Variants in AGPS observed in about 807,000 individuals in gnomAD.
The protein encoded by AGPS is alkyldihydroxyacetonephosphate synthase, peroxisomal.
AGPS carries 26 observed loss-of-function variants against 90.7 expected under a neutral mutation model. The observed-to-expected ratio is 0.29, with a 90% confidence interval of 0.21 to 0.40. The LOEUF (loss-of-function observed/expected upper bound fraction) is 0.40. Ranked by LOEUF, AGPS falls within the 10% of genes least tolerant of loss-of-function variation. The pLI is 1.00. For synonymous variants in AGPS, 294 were observed against 285.3 expected (o/e 1.03, Z -0.31); for missense variants, 540 against 816.1 (o/e 0.66, Z 4.12).
chr2:177,483,545 A>G (rs1396267044), intron 11 of AGPS, among the ~76,000 whole-genome samples: 1 of 152,228 alleles, frequency 6.6e-6, no homozygotes, highest in Non-Finnish European at 1.5e-5. Flanking sequence ...AAAAGGAAGT[A>G]GGGTCCTGGA....
intron 8 of AGPS, among the ~76,000 whole-genome samples, chr2:177,451,036 A>G (rs1453053077): frequency 1.1e-5 from 1 of 90,590 alleles, no homozygotes; most frequent in Admixed American, 1.3e-4. Context: ...ATCATAGCTC[A>G]CTGTAACCTT....
At chr2:177,470,252 A>G (rs1471736380) in intron 10 of AGPS, among the ~76,000 whole-genome samples, 1 of 152,190 alleles carries the variant, frequency 6.6e-6, no homozygotes, top group Non-Finnish European at 1.5e-5. Context: ...GCAGAATGGT[A>G]AGGGCTACAG....
At chr2:177,507,242 T>G (rs1259539466) in intron 15 of AGPS, among the ~76,000 whole-genome samples, 1 of 152,114 alleles carries the variant, frequency 6.6e-6, no homozygotes, top group Non-Finnish European at 1.5e-5. Context: ...AAGTGAAAAC[T>G]TAACATATGT....
rs1324665159 is a variant in AGPS at position 177,468,431 on chromosome 2, A to C, written c.1012A>C (p.Met338Leu). 2 of 1,609,156 alleles carry C rather than the reference A, an allele frequency of 1.2e-6. No individual in the cohort carries two copies. ...NIEDLVVHIK[M>L]VTPRGIIEKS... ...TATTAAACAGGTGGTTCATATAAAA[A>C]TGGTAACACCTAGAGGTATAATAGA... The change falls in exon 10 of 20, where the codon ATG (methionine) becomes CTG (leucine). Residue 338 changes from methionine (M) to leucine (L), a missense_variant. Physicochemically the swap from Met to Leu is conservative, Grantham distance 15 (BLOSUM62 2). Around this residue, in one of 2 missense-constraint regions of AGPS, gnomAD observed 405 missense variants for 692.1 expected, o/e 0.59. Transcript: ENST00000264167.
chr2:177,510,893 A>G (rs900396359), intron 16 of AGPS, among the ~76,000 whole-genome samples: 1 of 152,138 alleles, frequency 6.6e-6, no homozygotes, highest in Non-Finnish European at 1.5e-5. Context: ...TATATAAGCC[A>G]CTTAAGGGAT....
intron 11 of AGPS, among the ~76,000 whole-genome samples, chr2:177,492,054 A>G (rs143488396): frequency 9.9e-5 from 15 of 152,174 alleles, no homozygotes; most frequent in African/African-American, 3.6e-4. Context: ...ACAAAGTGCT[A>G]GGATTGCAAG....
intron 3 of AGPS, among the ~76,000 whole-genome samples, chr2:177,435,027 A>G (rs1686361748): frequency 6.8e-6 from 1 of 146,718 alleles, no homozygotes; most frequent in African/African-American, 2.5e-5. Context: ...ATATATATGT[A>G]TGAAACTAAT....
chr2:177,488,204 G>A (rs1688151721), intron 11 of AGPS, among the ~76,000 whole-genome samples: 1 of 151,204 alleles, frequency 6.6e-6, no homozygotes, highest in Non-Finnish European at 1.5e-5. Flanking sequence ...TTTTTACATA[G>A]CCTTTTTTGA....
At chr2:177,498,155 C>T (rs994537003) in intron 13 of AGPS, among the ~76,000 whole-genome samples, 1 of 151,720 alleles carries the variant, frequency 6.6e-6, no homozygotes, top group African/African-American at 2.4e-5. Context: ...CTTTTCCTTG[C>T]ATCCTTGTTA....
rs575346426 is a variant in AGPS at position 177,448,872 on chromosome 2, T to G, written c.870+3246T>G. Among the ~76,000 whole-genome samples the G allele has an allele frequency of 2.0e-5, 3 of 152,316 alleles. No homozygotes were observed. In the South Asian group the frequency reaches 6.2e-4, roughly 32 times the overall value. On this transcript the variant is annotated intron_variant, in intron 8 of 19. Transcript: ENST00000264167. ...CCTTAAGCAACCCCCCAGGAATCACTGATTTGCTTTCTGTCACATAGATTT... is the reference window on the plus strand; with the variant it reads ...CCTTAAGCAACCCCCCAGGAATCACGGATTTGCTTTCTGTCACATAGATTT...
At chr2:177,502,396 G>C (rs1390851482) in intron 14 of AGPS, among the ~76,000 whole-genome samples, 1 of 140,434 alleles carries the variant, frequency 7.1e-6, no homozygotes, top group Non-Finnish European at 1.5e-5. Flanking sequence ...AGATTACTTA[G>C]AGCCATTTCG....
At chr2:177,491,161 C>T (rs1688244893) in intron 11 of AGPS, among the ~76,000 whole-genome samples, 1 of 151,794 alleles carries the variant, frequency 6.6e-6, no homozygotes, top group South Asian at 2.1e-4. Context: ...GCCTAGGTTG[C>T]AGACTTTACA....
At chr2:177,481,965 C>T in intron 10 of AGPS, 94 bp from the exon 11 acceptor site, 1 of 1,188,054 alleles carries the variant, frequency 8.4e-7, no homozygotes, top group South Asian at 1.4e-5. Flanking sequence ...TTTAAATGTG[C>T]ATAATAAATT....
chr2:177,524,361 A>G (rs1298736375), intron 19 of AGPS, among the ~76,000 whole-genome samples: 2 of 152,216 alleles, frequency 1.3e-5, no homozygotes, highest in Non-Finnish European at 2.9e-5. Flanking sequence ...AATAAAAATT[A>G]TTACAATATG....
chr2:177,393,578 G>C lies in AGPS; in HGVS notation c.260+529G>C, dbSNP rs2105577235. 3 of 985,298 alleles carry C rather than the reference G, an allele frequency of 3.0e-6. No individual in the cohort carries two copies. The African/African-American group carries it at 5.2e-5, about 17-fold the overall frequency. 61.0% of individuals were successfully genotyped at this position (985,298 alleles called of 1,614,324 possible). Reference sequence around the variant, plus strand: ...TAGGATCAAGATGTATTGACTTTGAGGGAGGAAACCGATGAATGGTAAGAA... The same window carrying C: ...TAGGATCAAGATGTATTGACTTTGACGGAGGAAACCGATGAATGGTAAGAA... On this transcript the variant is annotated intron_variant, in intron 1 of 19. Coordinates refer to ENST00000264167, the MANE Select transcript of AGPS (RefSeq NM_003659.4).
chr2:177,491,279 T>G (rs1688251325), intron 11 of AGPS, among the ~76,000 whole-genome samples: 1 of 151,926 alleles, frequency 6.6e-6, no homozygotes, highest in Non-Finnish European at 1.5e-5. Context: ...GAATTTTTTT[T>G]TTTTTGAGAC....
intron 16 of AGPS, among the ~76,000 whole-genome samples, chr2:177,509,538 C>CAG (rs1688808661): frequency 6.6e-6 from 1 of 151,656 alleles, no homozygotes; most frequent in Non-Finnish European, 1.5e-5. Flanking sequence ...TGGTGGCGGG[C>CAG]GTCTGTAGTC....
intron 11 of AGPS, among the ~76,000 whole-genome samples, chr2:177,491,192 A>G (rs534424437): frequency 6.6e-6 from 1 of 151,994 alleles, no homozygotes; most frequent in African/African-American, 2.4e-5. Flanking sequence ...TAAATACATC[A>G]GCACCGTCTC....
intron 1 of AGPS, chr2:177,393,343 G>T (rs535661460): frequency 1.0e-6 from 1 of 985,430 alleles, no homozygotes; most frequent in South Asian, 4.7e-5. Flanking sequence ...TTAGTGCCAG[G>T]AATTCATTTT....
Sources: gnomAD v4.1 joint callset for allele counts (sites outside exome capture counted in the v4.1 genomes callset) on GRCh38, gnomAD v4.1.1 for gene constraint, gnomAD v4.1.1 regional missense constraint, MANE v1.5 for transcripts, NCBI Gene and HGNC (gene_info 2026-07-23, HGNC 2026-07-21) for gene names.